The following PCNX2 variants were observed in gnomAD, a reference collection of about 807,000 sequenced individuals.
The protein encoded by PCNX2 is pecanex-like protein 2.
A neutral mutation model predicts 223.8 loss-of-function variants in PCNX2; 168 were observed. The observed-to-expected ratio is 0.75, with a 90% CI of 0.66 to 0.85. The LOEUF (loss-of-function observed/expected upper bound fraction) is 0.85, where lower values mean the gene tolerates loss of function less well. PCNX2 is among the 40% of genes least tolerant of loss of function. PCNX2 has a pLI of 0.00. For synonymous variants in PCNX2, 1,006 were observed against 1,052.6 expected (o/e 0.96, Z 0.86); for missense variants, 2,507 against 2,675.5 (o/e 0.94, Z 1.39).
At chr1:233,067,824 G>C (rs1459692013) in intron 23 of PCNX2, among the ~76,000 whole-genome samples, 2 of 152,060 alleles carry the variant, frequency 1.3e-5, no homozygotes, top group African/African-American at 4.8e-5. Flanking sequence ...GAAGGGAAGA[G>C]AAAAGAATCA....
rs1157301446 is a variant in PCNX2 at position 233,259,081 on chromosome 1, A to G, written c.781T>C (p.Leu261=). 1 of 1,613,968 alleles carries G rather than the reference A, an allele frequency of 6.2e-7. No homozygotes were observed. The highest frequency in any genetic ancestry group is 8.5e-7 in the Non-Finnish European group (1 of 1,179,866). The change falls in exon 5 of 34, where the codon TTG becomes CTG. Residue 261 remains leucine (L), a synonymous_variant. Transcript: ENST00000258229. ...GPLKKLPHLS[L]SQYDLLETDV... is the part of the protein sequence containing the mutation. ...GTTTCTAGTAAGTCATACTGAGACA[A>G]AGACAGGTGGGGCAACTTCTTCAAG... is the stretch of plus-strand genomic sequence containing the variant.
At chr1:233,089,021 A>G (rs1407485711) in intron 23 of PCNX2, among the ~76,000 whole-genome samples, 1 of 152,236 alleles carries the variant, frequency 6.6e-6, no homozygotes, top group Non-Finnish European at 1.5e-5. Context: ...GAACTCAGGC[A>G]GGCTGTGTTC....
At chr1:233,108,736 G>T (rs534339317) in intron 21 of PCNX2, among the ~76,000 whole-genome samples, 2 of 152,246 alleles carry the variant, frequency 1.3e-5, no homozygotes, top group East Asian at 1.9e-4. Context: ...GGAGGGAAGG[G>T]ATTGTTTAAA....
Position 233,161,900 on chromosome 1 carries a change from G to A in PCNX2, c.3274-537C>T, listed in dbSNP as rs1250735327. 2.0e-5 allele frequency among the ~76,000 whole-genome samples: 3 copies of A among 150,738 alleles called. 1 individual carries two copies. Among genetic ancestry groups the A allele is most frequent in the Admixed American group, 1.3e-4 (2 of 15,104 alleles). ...ATTGCTTTGGACTAGACCAGATTTTGCATTTTAATTTACCAGTCAGATCAC... is the reference window on the plus strand; with the variant it reads ...ATTGCTTTGGACTAGACCAGATTTTACATTTTAATTTACCAGTCAGATCAC... On this transcript the variant is annotated intron_variant, in intron 17 of 33. Transcript: ENST00000258229.
Position 233,218,018 on chromosome 1 carries a change from G to T in PCNX2, c.2658+13C>A. 1.2e-6 allele frequency: 2 copies of T among 1,611,354 alleles called. No homozygotes were observed. Among genetic ancestry groups the T allele is most frequent in the Non-Finnish European group, 8.5e-7 (1 of 1,178,792 alleles). On this transcript the variant is annotated intron_variant, in intron 11 of 33. Transcript: ENST00000258229. ...CAGCACACGCTACTGGTAAGAATTA[G>T]ATGTGGTCTTGCCTTTAGCAGGGAG... is the stretch of plus-strand genomic sequence containing the variant.
chr1:233,075,423 G>T (rs1233099967), intron 23 of PCNX2, among the ~76,000 whole-genome samples: 2 of 152,074 alleles, frequency 1.3e-5, no homozygotes, highest in Non-Finnish European at 2.9e-5. Flanking sequence ...GTTATGAAGG[G>T]ATGGGGACAG....
At chr1:233,010,575 C>T (rs554245098) in intron 28 of PCNX2, among the ~76,000 whole-genome samples, 29 of 152,332 alleles carry the variant, frequency 1.9e-4, no homozygotes, top group Non-Finnish European at 3.4e-4. Flanking sequence ...CCATCTCATA[C>T]TCTGTGGTCA....
chr1:233,223,573 G>A (rs1226756544), intron 10 of PCNX2, among the ~76,000 whole-genome samples: 2 of 152,040 alleles, frequency 1.3e-5, no homozygotes, highest in African/African-American at 2.4e-5. Context: ...TTTCAGCCCC[G>A]CGTGCATTAG....
At chr1:233,227,564 G>T (rs1657819626) in intron 9 of PCNX2, among the ~76,000 whole-genome samples, 193 bp from the exon 10 acceptor site, 1 of 152,072 alleles carries the variant, frequency 6.6e-6, no homozygotes, top group East Asian at 1.9e-4. Context: ...CTAAGAAAAG[G>T]ATAATGATCA....
chr1:233,175,946 G>A (rs889929225), intron 17 of PCNX2, among the ~76,000 whole-genome samples: 10 of 152,118 alleles, frequency 6.6e-5, no homozygotes, highest in African/African-American at 1.9e-4. Flanking sequence ...CCTGTACGTC[G>A]TCTTGAAATG....
At chr1:233,119,096 G>A (rs1675599337) in intron 21 of PCNX2, among the ~76,000 whole-genome samples, 1 of 152,092 alleles carries the variant, frequency 6.6e-6, no homozygotes, top group South Asian at 2.1e-4. Flanking sequence ...AAAGCAATTC[G>A]AGGAAGGAAA....
intron 21 of PCNX2, among the ~76,000 whole-genome samples, chr1:233,119,937 C>A (rs144546195): frequency 6.6e-6 from 1 of 151,578 alleles, no homozygotes; most frequent in African/African-American, 2.4e-5. Context: ...GAGGCCGAGG[C>A]GGGTGGATCA....
Position 233,250,899 on chromosome 1 carries a change from T to C in PCNX2, c.2129-67A>G, listed in dbSNP as rs1659411684. ...ATTCATATAGAATCGTTTCAACTTA[T>C]ACAATTTTCAAGTTAAAAGGAAACT... On this transcript the variant is annotated intron_variant, in intron 7 of 33. Transcript: ENST00000258229. The C allele has an allele frequency of 4.1e-6, 6 of 1,474,532 alleles. No individual in the cohort carries two copies. The South Asian group carries it at 7.9e-5, about 19-fold the overall frequency. 91.3% of individuals were successfully genotyped at this position (1,474,532 alleles called of 1,614,324 possible).
At chr1:232,995,343 G>T (rs183336282) in intron 32 of PCNX2, among the ~76,000 whole-genome samples, 1 of 152,116 alleles carries the variant, frequency 6.6e-6, no homozygotes, top group Admixed American at 6.5e-5. Flanking sequence ...TGTGGTGTGT[G>T]GGGTATTTAG....
intron 15 of PCNX2, among the ~76,000 whole-genome samples, chr1:233,181,379 G>C (rs1347833355): frequency 1.3e-5 from 2 of 151,862 alleles, no homozygotes; most frequent in Non-Finnish European, 2.9e-5. Context: ...TTTTATTATA[G>C]TAGAGACGGG....
chr1:233,313,663 T>C, the PCNX2 span, among the ~76,000 whole-genome samples: 1 of 149,860 alleles, frequency 6.7e-6, no homozygotes. Context: ...TATGTGAACC[T>C]CATGACCAAG....
intron 21 of PCNX2, among the ~76,000 whole-genome samples, chr1:233,107,534 C>T (rs193167821): frequency 1.3e-3 from 205 of 152,272 alleles, no homozygotes; most frequent in Middle Eastern, 3.4e-3. Context: ...GTATTTTTGA[C>T]ATTTGCCAAC....
chr1:233,057,412 G>A (rs1572054354), intron 23 of PCNX2, 122 bp from the exon 24 acceptor site: 8 of 741,004 alleles, frequency 1.1e-5, no homozygotes, highest in East Asian at 8.3e-5. Context: ...AGGTTAAGAC[G>A]ATTGCTGTAG....
chr1:233,292,012 C>T, intron 1 of PCNX2: 1 of 977,834 alleles, frequency 1.0e-6, no homozygotes, highest in Non-Finnish European at 1.2e-6. Flanking sequence ...ACATTTCTCA[C>T]AAATATATAC....
Sources: allele counts gnomAD v4.1 joint callset (sites outside exome capture counted in the v4.1 genomes callset), GRCh38; gene constraint gnomAD v4.1.1; transcripts MANE v1.5; gene names NCBI Gene and HGNC (gene_info 2026-07-23, HGNC 2026-07-21).